The following SHISA6 variants were observed in gnomAD, a reference collection of about 807,000 sequenced individuals.
SHISA6 encodes the protein protein shisa-6.
Under a neutral mutation model 47.9 loss-of-function variants are expected in SHISA6, and 22 were observed. The observed-to-expected ratio is 0.46, with a 90% CI of 0.33 to 0.66. The LOEUF is 0.66. SHISA6 is among the 30% of genes least tolerant of loss of function. The pLI is 0.02. For synonymous variants in SHISA6, 388 were observed against 337.8 expected (o/e 1.15, Z -1.63); for missense variants, 680 against 764.6 (o/e 0.89, Z 1.30).
chr17:11,481,889 T>C (rs372415161), intron 3 of SHISA6, among the ~76,000 whole-genome samples: 17 of 151,560 alleles, frequency 1.1e-4, no homozygotes, highest in African/African-American at 4.1e-4. Flanking sequence ...AGAGCAAAAT[T>C]GATGCCATAA....
intron 3 of SHISA6, among the ~76,000 whole-genome samples, chr17:11,440,718 T>C (rs1259501677): frequency 5.3e-5 from 8 of 151,540 alleles, no homozygotes; most frequent in Admixed American, 5.3e-4. Flanking sequence ...GCATGGAGAC[T>C]CTTGTTAGTC....
chr17:11,294,803 A>G (rs1909686699), intron 2 of SHISA6, among the ~76,000 whole-genome samples: 1 of 152,174 alleles, frequency 6.6e-6, no homozygotes, highest in Non-Finnish European at 1.5e-5. Context: ...CTTACAATAG[A>G]CATTAGCAAC....
intron 3 of SHISA6, among the ~76,000 whole-genome samples, chr17:11,528,355 T>C (rs1041959458): frequency 2.6e-5 from 4 of 152,170 alleles, no homozygotes; most frequent in African/African-American, 9.7e-5. Flanking sequence ...CATCAGCAAA[T>C]GTAATTCCAA....
rs558321964 is a variant in SHISA6, at chr17:11,323,821, A to G, written c.800-55593A>G. Among the ~76,000 whole-genome samples, 4 of 152,136 alleles carry G rather than the reference A, an allele frequency of 2.6e-5. No homozygotes were observed. In the South Asian group the frequency reaches 6.2e-4, roughly 24 times the overall value. The stretch of plus-strand genomic sequence containing the variant: ...GCTCCAGGGGCCTCAGCATGGGTAT[A>G]GTACCCTCATCCACAGTCTCAGCTC... On this transcript the variant is annotated intron_variant, in intron 2 of 5. Transcript: ENST00000441885.
rs1375218149 is a variant in SHISA6 at position 11,259,655 on chromosome 17, C to T, written c.639-3711C>T. 2.0e-5 allele frequency among the ~76,000 whole-genome samples: 3 copies of T among 152,316 alleles called. No homozygotes were observed. In the East Asian group the frequency reaches 5.8e-4, roughly 29 times the overall value. ...GGAAATTCAGATACACTTTCATTCC[C>T]TCAGGACCACTGACAACAATAACCA... On this transcript the variant is annotated intron_variant, in intron 1 of 5. Transcript: ENST00000441885.
chr17:11,435,119 T>TTC (rs986982462), intron 3 of SHISA6, among the ~76,000 whole-genome samples: 4 of 110,124 alleles, frequency 3.6e-5, no homozygotes, highest in African/African-American at 9.0e-5. Context: ...GTCTCTGTCT[T>TTC]TCTCTCTCTC....
intron 3 of SHISA6, among the ~76,000 whole-genome samples, chr17:11,499,475 GCT>G (rs112040181): frequency 5.1e-4 from 77 of 152,134 alleles, no homozygotes; most frequent in African/African-American, 1.7e-3. Context: ...CCAGTGACAG[GCT>G]CCAAATATCT....
chr17:11,297,722 G>A (rs1219037566), intron 2 of SHISA6, among the ~76,000 whole-genome samples: 5 of 152,178 alleles, frequency 3.3e-5, no homozygotes. Flanking sequence ...AAGAAGGGAG[G>A]GGAAGCTGCT....
At position 11,558,650 on chromosome 17, in the gene SHISA6, T is replaced by G; in HGVS notation, c.*346T>G. The G allele has an allele frequency of 5.7e-6, 2 of 350,828 alleles. No homozygotes were observed. The highest frequency in any genetic ancestry group is 5.8e-5 in the East Asian group (1 of 17,278). The allele number at this position is 350,828 out of a possible 1,614,324, so 21.7% of individuals were successfully genotyped here. A position where few individuals can be genotyped will look rare whatever the true frequency, so the allele number is the denominator to read the frequency against. On this transcript the variant is annotated 3_prime_UTR_variant, in exon 6 of 6. Coordinates refer to ENST00000441885, the MANE Select transcript of SHISA6 (RefSeq NM_207386.4). The stretch of plus-strand genomic sequence containing the variant: ...CCCATCCGGGGGACTCAGCTGCAGG[T>G]TCTGTCAGCAGAGAGACCCTTGCTT...
intron 2 of SHISA6, among the ~76,000 whole-genome samples, chr17:11,268,913 A>G (rs923147807): frequency 6.6e-6 from 1 of 152,200 alleles, no homozygotes; most frequent in Non-Finnish European, 1.5e-5. Flanking sequence ...TCAAGACTGC[A>G]TCCCATGTAG....
At chr17:11,322,452 CT>C (rs1262392333) in intron 2 of SHISA6, among the ~76,000 whole-genome samples, 1 of 152,126 alleles carries the variant, frequency 6.6e-6, no homozygotes. Flanking sequence ...GAAAACATCT[CT>C]TTTGCCTTGC....
intron 3 of SHISA6, among the ~76,000 whole-genome samples, chr17:11,423,905 ATAAAAT>A (rs1243551489): frequency 6.6e-6 from 1 of 152,256 alleles, no homozygotes; most frequent in Non-Finnish European, 1.5e-5. Flanking sequence ...AAAGTAGTAA[ATAAAAT>A]TAAAAGCCCA....
At chr17:11,246,212 C>T (rs549622986) in intron 1 of SHISA6, among the ~76,000 whole-genome samples, 14 of 152,310 alleles carry the variant, frequency 9.2e-5, no homozygotes, top group African/African-American at 2.9e-4. Context: ...AATGCTTCGC[C>T]GGGTGCGGTG....
chr17:11,382,157 C>T lies in SHISA6; in HGVS notation c.895+2648C>T, dbSNP rs534329461. ...GCACAATCATAGCTCACTATAACCT[C>T]GAACTCCTGGGCTCAAGTGATCCTT... is the stretch of plus-strand genomic sequence containing the variant. On this transcript the variant is annotated intron_variant, in intron 3 of 5. Coordinates refer to ENST00000441885, the MANE Select transcript of SHISA6 (RefSeq NM_207386.4). 3.3e-5 allele frequency among the ~76,000 whole-genome samples: 5 copies of T among 152,174 alleles called. No homozygotes were observed. The East Asian group carries it at 7.8e-4, about 24-fold the overall frequency.
intron 3 of SHISA6, among the ~76,000 whole-genome samples, chr17:11,549,283 T>C (rs1356706717): frequency 6.6e-6 from 1 of 152,224 alleles, no homozygotes; most frequent in Non-Finnish European, 1.5e-5. Flanking sequence ...ATTCTCATCC[T>C]TGTACTTAAC....
intron 2 of SHISA6, among the ~76,000 whole-genome samples, chr17:11,347,729 A>T (rs1911748593): frequency 2.6e-5 from 4 of 152,156 alleles, no homozygotes; most frequent in Admixed American, 2.6e-4. Context: ...GAGACCCAGA[A>T]CCTACCTACG....
chr17:11,387,381 T>C (rs1365658347), intron 3 of SHISA6, among the ~76,000 whole-genome samples: 2 of 152,016 alleles, frequency 1.3e-5, no homozygotes, highest in Admixed American at 6.6e-5. Flanking sequence ...CTGAGGCCAA[T>C]TTAGGGGTCT....
chr17:11,301,915 T>TA (rs1909941725), intron 2 of SHISA6, among the ~76,000 whole-genome samples: 1 of 152,180 alleles, frequency 6.6e-6, no homozygotes, highest in Admixed American at 6.5e-5. Flanking sequence ...CAGTTGGACT[T>TA]ACAGTTCCAC....
intron 2 of SHISA6, among the ~76,000 whole-genome samples, chr17:11,343,551 CGTT>C (rs201995858): frequency 0.045 from 6,795 of 152,240 alleles, 498 homozygotes; most frequent in African/African-American, 0.16. Context: ...GGTACCCTGA[CGTT>C]GTCTGCCTGG....
Sources: allele counts gnomAD v4.1 joint callset (sites outside exome capture counted in the v4.1 genomes callset), GRCh38; gene constraint gnomAD v4.1.1; transcripts MANE v1.5; gene names NCBI Gene and HGNC (gene_info 2026-07-23, HGNC 2026-07-21).